The following ARID2 variants were observed in gnomAD, a reference collection of about 807,000 sequenced individuals.
The protein encoded by ARID2 is AT-rich interactive domain-containing protein 2.
Under a neutral mutation model 184.6 loss-of-function variants are expected in ARID2, and 32 were observed. The observed-to-expected ratio is 0.17, with a 90% CI of 0.13 to 0.23. The LOEUF (loss-of-function observed/expected upper bound fraction) is 0.23. Among genes scored for constraint, ARID2 ranks in the 10% least tolerant of loss-of-function variants. The pLI is 1.00. For synonymous variants in ARID2, 836 were observed against 772.6 expected (o/e 1.08, Z -1.36); for missense variants, 1,696 against 2,197.6 (o/e 0.77, Z 4.56).
chr12:45,868,760 A>G (rs1361964257), intron 16 of ARID2, among the ~76,000 whole-genome samples: 2 of 152,204 alleles, frequency 1.3e-5, no homozygotes, highest in African/African-American at 4.8e-5. Context: ...GTCATATACT[A>G]ATCCTATAAA....
intron 20 of ARID2, among the ~76,000 whole-genome samples, chr12:45,897,034 A>T: frequency 6.6e-6 from 1 of 152,210 alleles, no homozygotes; most frequent in East Asian, 1.9e-4. Flanking sequence ...CTGATTTACT[A>T]CAAAGCTAAC....
At chr12:45,785,437 C>T (rs1202903939) in intron 3 of ARID2, among the ~76,000 whole-genome samples, 2 of 152,088 alleles carry the variant, frequency 1.3e-5, no homozygotes, top group Admixed American at 6.6e-5. Flanking sequence ...ATCTTTGCCT[C>T]TCCTCCTGTG....
At chr12:45,746,640 A>G (rs1432951998) in intron 3 of ARID2, among the ~76,000 whole-genome samples, 1 of 152,170 alleles carries the variant, frequency 6.6e-6, no homozygotes, top group African/African-American at 2.4e-5. Context: ...CACTGCACCA[A>G]GTGGTAACTC....
At chr12:45,764,465 A>G (rs1205180066) in intron 3 of ARID2, among the ~76,000 whole-genome samples, 1 of 152,212 alleles carries the variant, frequency 6.6e-6, no homozygotes, top group Admixed American at 6.5e-5. Context: ...CACCAAAATG[A>G]AGATGTAGAA....
intron 3 of ARID2, among the ~76,000 whole-genome samples, chr12:45,773,683 TA>T (rs201311568): frequency 3.5e-4 from 52 of 148,632 alleles, no homozygotes; most frequent in South Asian, 1.3e-3. Flanking sequence ...AAAATTGACT[TA>T]AAAAAAAAAG....
intron 3 of ARID2, among the ~76,000 whole-genome samples, chr12:45,741,064 A>G (rs1941244260): frequency 6.6e-6 from 1 of 152,246 alleles, no homozygotes; most frequent in Admixed American, 6.5e-5. Flanking sequence ...AGTAGTTTTA[A>G]CATCCACTGA....
At chr12:45,791,204 C>CTG (rs143314237) in intron 3 of ARID2, among the ~76,000 whole-genome samples, 3,681 of 147,578 alleles carry the variant, frequency 0.025, 53 homozygotes, top group South Asian at 0.052. Context: ...AGCACATTTT[C>CTG]TGTGTGTGTG....
chr12:45,901,849 A>T (rs555740008), intron 20 of ARID2, among the ~76,000 whole-genome samples: 3 of 151,944 alleles, frequency 2.0e-5, no homozygotes, highest in East Asian at 3.9e-4. Flanking sequence ...ATTTTCTGTA[A>T]GGTGGGGGGT....
chr12:45,779,546 C>T (rs2138036339), intron 3 of ARID2, among the ~76,000 whole-genome samples: 1 of 152,184 alleles, frequency 6.6e-6, no homozygotes, highest in African/African-American at 2.4e-5. Flanking sequence ...ACATTGTCAA[C>T]AGCCAGGAGA....
At chr12:45,854,309 C>T (rs1413394413) in intron 15 of ARID2, among the ~76,000 whole-genome samples, 1 of 152,048 alleles carries the variant, frequency 6.6e-6, no homozygotes, top group Non-Finnish European at 1.5e-5. Flanking sequence ...AAATGTAATG[C>T]GCTTGTATCA....
chr12:45,799,924 A>G (rs1942463821), intron 3 of ARID2, among the ~76,000 whole-genome samples: 1 of 152,138 alleles, frequency 6.6e-6, no homozygotes. Flanking sequence ...ATGATGGATC[A>G]CTGCATCTTC....
chr12:45,831,207 G>T (rs1472088004), intron 6 of ARID2, among the ~76,000 whole-genome samples: 2 of 152,088 alleles, frequency 1.3e-5, no homozygotes, highest in African/African-American at 4.8e-5. Flanking sequence ...TTACACGATT[G>T]ATTGTTGTTT....
chr12:45,831,820 C>A (rs1013837417), intron 6 of ARID2, among the ~76,000 whole-genome samples: 1 of 152,088 alleles, frequency 6.6e-6, no homozygotes, highest in African/African-American at 2.4e-5. Context: ...TCTTTTGAAC[C>A]TCTGTTGTTA....
chr12:45,882,002 CCTGT>C (rs948903440), intron 16 of ARID2: 23 of 192,506 alleles, frequency 1.2e-4, no homozygotes, highest in African/African-American at 4.2e-4. Context: ...GGGTGACTTC[CCTGT>C]CTGTCTGTCA....
intron 3 of ARID2, among the ~76,000 whole-genome samples, chr12:45,807,317 A>T (rs1246082607): frequency 1.3e-5 from 2 of 152,160 alleles, no homozygotes; most frequent in African/African-American, 2.4e-5. Flanking sequence ...TGTTTCTGTC[A>T]TACAGAGTTA....
Position 45,783,580 on chromosome 12 carries a change from C to T in ARID2, c.285-27838C>T, listed in dbSNP as rs537870052. ...TTTCAGGATGATATTAAGTGCATTACGTTACATCATTAGATTCTCATAATG... is the reference window on the plus strand; with the variant it reads ...TTTCAGGATGATATTAAGTGCATTATGTTACATCATTAGATTCTCATAATG... On this transcript the variant is annotated intron_variant, in intron 3 of 20. Coordinates refer to ENST00000334344, the MANE Select transcript of ARID2 (RefSeq NM_152641.4). Among the ~76,000 whole-genome samples the T allele has an allele frequency of 2.6e-5, 4 of 152,328 alleles. No homozygotes were observed. In the East Asian group the frequency reaches 5.8e-4, roughly 22 times the overall value.
chr12:45,850,626 C>T lies in ARID2; in HGVS notation c.2503C>T (p.Gln835Ter), dbSNP rs1943530032. The T allele has an allele frequency of 1.2e-6, 2 of 1,614,038 alleles. No homozygotes were observed. The highest frequency in any genetic ancestry group is 1.7e-6 in the Non-Finnish European group (2 of 1,179,992). Reference protein sequence around the residue: ...SPQPVQTSSQQTSAGSQSQDT... With the variant: ...SPQPVQTSSQ ...CCAACCTGTGCAAACTTCATCTCAA[C>T]AGACATCAGCTGGTAGCCAGTCACA... Residue 835 changes from glutamine (Q) to a stop codon, truncating the protein, a stop_gained, in exon 15 of 21, where the codon CAG becomes TAG. Transcript: ENST00000334344. LOFTEE classifies it high-confidence loss of function.
rs567746850 is a variant in ARID2, at chr12:45,811,433, C to T, written c.300C>T (p.Tyr100=). The change falls in exon 4 of 21, where the codon TAC becomes TAT. Residue 100 remains tyrosine (Y), a synonymous_variant. Coordinates refer to ENST00000334344, the MANE Select transcript of ARID2 (RefSeq NM_152641.4). ...TCTGTTTCAGTTACCTAGAAAAGTACGAGAAAGTTCATCATTTTGGGGAGG... is the reference window on the plus strand; with the variant it reads ...TCTGTTTCAGTTACCTAGAAAAGTATGAGAAAGTTCATCATTTTGGGGAGG... ...KQYYLRYLEK[Y]EKVHHFGEDD... is the part of the protein sequence containing the mutation. 48 of 1,611,090 alleles carry T rather than the reference C, an allele frequency of 3.0e-5. No homozygotes were observed. The highest frequency in any genetic ancestry group is 2.6e-4 in the South Asian group (24 of 90,660).
intron 3 of ARID2, among the ~76,000 whole-genome samples, chr12:45,751,756 C>T (rs1478226996): frequency 6.6e-6 from 1 of 152,124 alleles, no homozygotes; most frequent in Non-Finnish European, 1.5e-5. Flanking sequence ...ATACTGAATA[C>T]TGTAGGCAAT....
Sources: allele counts gnomAD v4.1 joint callset (sites outside exome capture counted in the v4.1 genomes callset), GRCh38; gene constraint gnomAD v4.1.1; transcripts MANE v1.5; gene names NCBI Gene and HGNC (gene_info 2026-07-23, HGNC 2026-07-21).